ATP2A2: variants seen among roughly 807,000 people sequenced by gnomAD.
The protein encoded by ATP2A2 is ATPase sarcoplasmic/endoplasmic reticulum Ca2+ transporting 2.
Under a neutral mutation model 109.3 loss-of-function variants are expected in ATP2A2, and 14 were observed. The ratio of observed to expected loss-of-function variants is 0.13; its 90% CI spans 0.08 to 0.20. The LOEUF (loss-of-function observed/expected upper bound fraction) is 0.20, where lower values mean the gene tolerates loss of function less well. Among genes scored for constraint, ATP2A2 ranks in the 10% least tolerant of loss-of-function variants. ATP2A2 has a pLI of 1.00. For missense variants in ATP2A2, 657 were observed against 1,321.6 expected (o/e 0.50, Z 7.80); for synonymous variants, 506 against 490.9 (o/e 1.03, Z -0.41).
At position 110,282,557 on chromosome 12, in the gene ATP2A2, T is replaced by TA. The variant is rs1872246934; in HGVS notation, c.119-45dup. The stretch of plus-strand genomic sequence containing the variant: ...TAAAATGTCTCTCTCTTTTTTTTTT[T>TA]AACCTCCCTCTTGACACATTGCTTG... On this transcript the variant is annotated intron_variant, in intron 1 of 19. Transcript: ENST00000539276. The TA allele has an allele frequency of 3.7e-6, 6 of 1,604,902 alleles. No individual in the cohort carries two copies. In the African/African-American group the frequency reaches 6.7e-5, roughly 18 times the overall value.
At chr12:110,331,613 G>A (rs987673120) in intron 8 of ATP2A2, 1 of 152,214 alleles carries the variant, frequency 6.6e-6, no homozygotes, top group Admixed American at 6.5e-5. Context: ...TGGGATTATA[G>A]GCGTGAGCCA....
intron 5 of ATP2A2, among the ~76,000 whole-genome samples, chr12:110,298,563 C>T (rs1376359351): frequency 6.6e-6 from 1 of 152,132 alleles, no homozygotes; most frequent in Non-Finnish European, 1.5e-5. Flanking sequence ...ACTGAAAATA[C>T]AGAAATCAGC....
chr12:110,286,710 A>C (rs1872699486), intron 3 of ATP2A2, among the ~76,000 whole-genome samples: 1 of 151,232 alleles, frequency 6.6e-6, no homozygotes, highest in South Asian at 2.1e-4. Context: ...TAAAAAAAAA[A>C]AAAAACTTGA....
Position 110,281,819 on chromosome 12 carries a change from G to A in ATP2A2, c.30G>A (p.Glu10=), listed in dbSNP as rs1420177450. Residue 10 remains glutamate (E), a synonymous_variant, in exon 1 of 20, where the codon GAG becomes GAA. Coordinates refer to ENST00000539276, the MANE Select transcript of ATP2A2 (RefSeq NM_170665.4). MENAHTKTV[E]EVLGHFGVNE... ...AGAACGCGCACACCAAGACGGTGGAGGAGGTGCTGGGCCACTTCGGCGTCA... is the reference window on the plus strand; with the variant it reads ...AGAACGCGCACACCAAGACGGTGGAAGAGGTGCTGGGCCACTTCGGCGTCA... 6.4e-7 allele frequency: 1 copy of A among 1,552,072 alleles called. No homozygotes were observed. Among genetic ancestry groups the A allele is most frequent in the Non-Finnish European group, 8.7e-7 (1 of 1,150,328 alleles).
intron 5 of ATP2A2, among the ~76,000 whole-genome samples, chr12:110,307,222 C>CAT (rs1555279254): frequency 7.9e-6 from 1 of 126,728 alleles, no homozygotes; most frequent in Admixed American, 8.8e-5. Context: ...GCCCCACCAC[C>CAT]TTTTTTTTTT....
chr12:110,304,463 A>C (rs1374870321), intron 5 of ATP2A2, among the ~76,000 whole-genome samples: 1 of 152,278 alleles, frequency 6.6e-6, no homozygotes, highest in African/African-American at 2.4e-5. Context: ...GTCATTGTCT[A>C]TCGTTTTAAA....
chr12:110,285,935 T>A (rs887057485), intron 3 of ATP2A2, among the ~76,000 whole-genome samples: 23 of 149,376 alleles, frequency 1.5e-4, no homozygotes, highest in South Asian at 8.5e-4. Flanking sequence ...TTTTTTTTTT[T>A]AAATGTAGAT....
In ATP2A2 at chr12:110,346,113, T is replaced by C; in HGVS notation, c.2854T>C (p.Leu952=). The part of the protein sequence containing the change: ...LHFLILYVEP[L]PLIFQITPLN... The stretch of plus-strand genomic sequence containing the variant: ...CTTCCTGATCCTCTATGTCGAACCC[T>C]TGCCAGTAAGTGGTTGGGTGGGGCT... The change falls in exon 19 of 20, where the codon TTG becomes CTG. Residue 952 remains leucine, a synonymous_variant. Transcript: ENST00000539276. 6.2e-7 allele frequency: 1 copy of C among 1,614,148 alleles called. No individual in the cohort carries two copies. Among genetic ancestry groups the C allele is most frequent in the Non-Finnish European group, 8.5e-7 (1 of 1,180,010 alleles).
Position 110,282,075 on chromosome 12 carries a change from T to C in ATP2A2, c.118+168T>C, listed in dbSNP as rs893929938. On this transcript the variant is annotated intron_variant, in intron 1 of 19. Transcript: ENST00000539276. ...GCGGGAGAGAAAGGGGCTGCGGTCC[T>C]CGCCTCGCCTTCCCTGGACCTCTTC... Among the ~76,000 whole-genome samples, 3 of 151,738 alleles carry C rather than the reference T, an allele frequency of 2.0e-5. No homozygotes were observed. The East Asian group carries it at 5.8e-4, about 30-fold the overall frequency.
At chr12:110,315,029 G>A (rs1401503267) in intron 5 of ATP2A2, among the ~76,000 whole-genome samples, 2 of 152,056 alleles carry the variant, frequency 1.3e-5, no homozygotes, top group African/African-American at 2.4e-5. Flanking sequence ...ACCATGCCCG[G>A]CTAATTTTTT....
chr12:110,293,319 C>G (rs372050100), intron 4 of ATP2A2, among the ~76,000 whole-genome samples: 2 of 151,236 alleles, frequency 1.3e-5, no homozygotes, highest in South Asian at 4.2e-4. Flanking sequence ...CCACCCACCT[C>G]GGCCTCCCAA....
intron 3 of ATP2A2, among the ~76,000 whole-genome samples, chr12:110,286,530 G>T (rs544306905): frequency 6.6e-6 from 1 of 152,086 alleles, no homozygotes; most frequent in Admixed American, 6.5e-5. Flanking sequence ...TGAAAGCATT[G>T]AATGTTTTTA....
chr12:110,346,128 T>C lies in ATP2A2; in HGVS notation c.2859+10T>C, dbSNP rs761867693. On this transcript the variant is annotated intron_variant, in intron 19 of 19. Coordinates refer to ENST00000539276, the MANE Select transcript of ATP2A2 (RefSeq NM_170665.4). ...TGTCGAACCCTTGCCAGTAAGTGGT[T>C]GGGTGGGGCTTGGGACCAGCCACCT... 3.7e-6 allele frequency: 6 copies of C among 1,613,968 alleles called. No individual in the cohort carries two copies. Among genetic ancestry groups the C allele is most frequent in the African/African-American group, 2.7e-5 (2 of 74,914 alleles).
intron 5 of ATP2A2, among the ~76,000 whole-genome samples, chr12:110,314,971 A>G (rs898296020): frequency 6.7e-6 from 1 of 149,362 alleles, no homozygotes; most frequent in Non-Finnish European, 1.5e-5. Flanking sequence ...GGTTCATGCC[A>G]TTCTCCTGCC....
chr12:110,308,943 C>G (rs949021253), intron 5 of ATP2A2, among the ~76,000 whole-genome samples: 3 of 151,894 alleles, frequency 2.0e-5, no homozygotes, highest in Non-Finnish European at 4.4e-5. Context: ...ACTGACTTAA[C>G]GATTTTGATA....
At chr12:110,297,263 C>G (rs1050776304) in intron 5 of ATP2A2, among the ~76,000 whole-genome samples, 1 of 151,888 alleles carries the variant, frequency 6.6e-6, no homozygotes, top group Non-Finnish European at 1.5e-5. Flanking sequence ...CATGAAACCT[C>G]ATCTCTACTA....
chr12:110,304,009 T>G (rs1237086140), intron 5 of ATP2A2, among the ~76,000 whole-genome samples: 1 of 152,240 alleles, frequency 6.6e-6, no homozygotes, highest in Non-Finnish European at 1.5e-5. Context: ...CACCAGTTCC[T>G]GACAACCACA....
At chr12:110,311,752 T>C (rs928237320) in intron 5 of ATP2A2, among the ~76,000 whole-genome samples, 1 of 137,112 alleles carries the variant, frequency 7.3e-6, no homozygotes, top group African/African-American at 2.7e-5. Flanking sequence ...AAAAAAAAGG[T>C]GTTGGCTGGG....
At chr12:110,282,563 C>A (rs1315882330) in intron 1 of ATP2A2, 41 bp from the exon 2 acceptor site, 3 of 1,610,886 alleles carry the variant, frequency 1.9e-6, no homozygotes, top group Non-Finnish European at 1.7e-6. Flanking sequence ...TTTTTAACCT[C>A]CCTCTTGACA....
Sources: gnomAD v4.1 joint callset for allele counts (sites outside exome capture counted in the v4.1 genomes callset) on GRCh38, gnomAD v4.1.1 for gene constraint, MANE v1.5 for transcripts, NCBI Gene and HGNC (gene_info 2026-07-23, HGNC 2026-07-21) for gene names.